The following CSMD1 variants were observed in gnomAD, a reference collection of about 807,000 sequenced individuals.
CSMD1 encodes the protein CUB and Sushi multiple domains 1.
In CSMD1, 213 loss-of-function variants were observed where a neutral mutation model predicts 417.5. That is an observed-to-expected ratio of 0.51 (90% CI 0.46 to 0.57). The LOEUF (loss-of-function observed/expected upper bound fraction) is 0.57. Among genes scored for constraint, CSMD1 ranks in the 20% least tolerant of loss-of-function variants. The pLI, the probability that CSMD1 is intolerant of heterozygous loss-of-function variation, is 0.00. For synonymous variants in CSMD1, 2,862 were observed against 1,736.8 expected (o/e 1.65, Z -16.11); for missense variants, 6,923 against 4,529.7 (o/e 1.53, Z -15.17).
At position 3,350,238 on chromosome 8, in the gene CSMD1, G is replaced by A. The variant is rs1442775669; in HGVS notation, c.3305-2077C>T. 5.1e-5 allele frequency among the ~76,000 whole-genome samples: 7 copies of A among 136,254 alleles called. 1 individual carries two copies. Among genetic ancestry groups the A allele is most frequent in the South Asian group, 2.4e-4 (1 of 4,146 alleles). 89.4% of individuals were successfully genotyped at this position (136,254 alleles called of 152,430 possible). On this transcript the variant is annotated intron_variant, in intron 21 of 69. Transcript: ENST00000635120. ...CCTATAATAACCTATAATAACTTGT[G>A]TATGTGTGTGTTATAATACCTATAA...
intron 54 of CSMD1, among the ~76,000 whole-genome samples, chr8:2,988,631 T>C (rs907201160): frequency 3.9e-5 from 6 of 152,220 alleles, no homozygotes; most frequent in African/African-American, 1.4e-4. Context: ...TTCCTTCTTA[T>C]GACATCTTCA....
At chr8:3,327,663 G>A (rs1042603964) in intron 23 of CSMD1, among the ~76,000 whole-genome samples, 2 of 152,146 alleles carry the variant, frequency 1.3e-5, no homozygotes, top group African/African-American at 4.8e-5. Flanking sequence ...CTCATTTTGG[G>A]GGAATAGAAC....
At chr8:4,101,814 G>A (rs918346829) in intron 3 of CSMD1, among the ~76,000 whole-genome samples, 5 of 122,372 alleles carry the variant, frequency 4.1e-5, no homozygotes, top group African/African-American at 1.6e-4. Flanking sequence ...AGTGAACGGA[G>A]AATTACTCAC....
chr8:4,461,932 G>C (rs184635373), intron 2 of CSMD1, among the ~76,000 whole-genome samples: 1 of 151,794 alleles, frequency 6.6e-6, no homozygotes, highest in Non-Finnish European at 1.5e-5. Context: ...TAGAAGAGAC[G>C]GGGTTTCATC....
chr8:3,471,562 CTCCT>C (rs1563070942), intron 11 of CSMD1, among the ~76,000 whole-genome samples: 1 of 141,294 alleles, frequency 7.1e-6, no homozygotes, highest in Non-Finnish European at 1.6e-5. Flanking sequence ...CTCTCCCTCC[CTCCT>C]TCCTTCTTCC....
chr8:3,111,254 C>T (rs1031581932), intron 42 of CSMD1, among the ~76,000 whole-genome samples: 13 of 152,100 alleles, frequency 8.5e-5, no homozygotes, highest in East Asian at 1.9e-4. Flanking sequence ...GAGAATATAC[C>T]ATGAGGCGGG....
intron 3 of CSMD1, among the ~76,000 whole-genome samples, chr8:4,324,192 G>C (rs116128073): frequency 2.5e-3 from 379 of 152,334 alleles, no homozygotes; most frequent in African/African-American, 8.3e-3. Context: ...ATAGAACAAA[G>C]TAAACTGTGT....
At chr8:4,460,008 A>T (rs1392496417) in intron 2 of CSMD1, among the ~76,000 whole-genome samples, 1 of 152,180 alleles carries the variant, frequency 6.6e-6, no homozygotes, top group East Asian at 1.9e-4. Flanking sequence ...ATAGTACTAT[A>T]AACCAACTGG....
intron 26 of CSMD1, among the ~76,000 whole-genome samples, chr8:3,258,399 T>A (rs1800813352): frequency 6.6e-6 from 1 of 152,116 alleles, no homozygotes; most frequent in Non-Finnish European, 1.5e-5. Context: ...TGAGATACCA[T>A]CTCACACCAG....
chr8:4,910,304 A>G (rs1805575496), intron 1 of CSMD1, among the ~76,000 whole-genome samples: 1 of 152,214 alleles, frequency 6.6e-6, no homozygotes, highest in Admixed American at 6.5e-5. Context: ...GATTTATACA[A>G]CTTTATAAGC....
chr8:3,695,116 G>GTGTGTGTGT (rs61279256), intron 7 of CSMD1, among the ~76,000 whole-genome samples: 12 of 150,866 alleles, frequency 8.0e-5, no homozygotes, highest in Middle Eastern at 3.4e-3. Flanking sequence ...GTGTGTGTGT[G>GTGTGTGTGT]GTTATTGAAG....
rs536859791 is a variant in CSMD1 at position 3,496,191 on chromosome 8, T to G, written c.1345-2465A>C. ...TTCTACTCCTGCCATTTTTCTTAAG[T>G]GCCTGCTTAATGTTCCTCCCTCAGC... On this transcript the variant is annotated intron_variant, in intron 10 of 69. Transcript: ENST00000635120. Among the ~76,000 whole-genome samples the G allele has an allele frequency of 3.3e-5, 5 of 152,338 alleles. No homozygotes were observed. The South Asian group carries it at 1.0e-3, about 32-fold the overall frequency.
At chr8:4,711,562 G>C (rs1808300179) in intron 1 of CSMD1, among the ~76,000 whole-genome samples, 1 of 151,934 alleles carries the variant, frequency 6.6e-6, no homozygotes, top group South Asian at 2.1e-4. Context: ...ACAAAGGACA[G>C]AGAAATTTGA....
intron 24 of CSMD1, among the ~76,000 whole-genome samples, chr8:3,308,051 CATGTGATAATTCTAATAAT>C (rs11268389): frequency 0.52 from 74,087 of 141,304 alleles, 18,564 homozygotes; most frequent in Admixed American, 0.61. Context: ...ATAAGACACT[CATGTGATAATTCTAATAAT>C]ATGTGATAAT....
intron 5 of CSMD1, among the ~76,000 whole-genome samples, chr8:3,848,987 A>G (rs1386461501): frequency 6.6e-6 from 1 of 151,740 alleles, no homozygotes; most frequent in Admixed American, 6.6e-5. Flanking sequence ...AGTTAATCTT[A>G]TAATAATGGA....
chr8:4,482,738 C>T (rs536354465), intron 2 of CSMD1, among the ~76,000 whole-genome samples: 1 of 152,250 alleles, frequency 6.6e-6, no homozygotes, highest in African/African-American at 2.4e-5. Context: ...CCTTTTTAGC[C>T]ACAACCTTGC....
At chr8:4,581,986 G>C (rs1799441115) in intron 2 of CSMD1, among the ~76,000 whole-genome samples, 1 of 152,164 alleles carries the variant, frequency 6.6e-6, no homozygotes, top group Admixed American at 6.5e-5. Flanking sequence ...AAACGACGAT[G>C]GCTAAAATCT....
chr8:3,736,553 C>T lies in CSMD1; in HGVS notation c.931+17377G>A, dbSNP rs867599999. 2.6e-5 allele frequency among the ~76,000 whole-genome samples: 4 copies of T among 152,152 alleles called. No individual in the cohort carries two copies. The South Asian group carries it at 8.3e-4, about 32-fold the overall frequency. ...GACCACATGAGTAGAATATCATTTC[C>T]AGTGTGTCTACCACCTGCCTCACCA... On this transcript the variant is annotated intron_variant, in intron 6 of 69. Coordinates refer to ENST00000635120, the MANE Select transcript of CSMD1 (RefSeq NM_033225.6).
intron 12 of CSMD1, among the ~76,000 whole-genome samples, chr8:3,416,468 A>C (rs944257124): frequency 6.6e-6 from 1 of 152,222 alleles, no homozygotes; most frequent in African/African-American, 2.4e-5. Context: ...TTAAACATCC[A>C]ATTTCCACAT....
Sources: allele counts gnomAD v4.1 joint callset (sites outside exome capture counted in the v4.1 genomes callset), GRCh38; gene constraint gnomAD v4.1.1; transcripts MANE v1.5; gene names NCBI Gene and HGNC (gene_info 2026-07-23, HGNC 2026-07-21).